The following ARID1B variants were observed in gnomAD, a reference collection of about 807,000 sequenced individuals.
The protein encoded by ARID1B is AT-rich interactive domain-containing protein 1B.
In ARID1B, 30 loss-of-function variants were observed where a neutral mutation model predicts 212.3. That is an observed-to-expected ratio of 0.14 (90% CI 0.11 to 0.19). ARID1B has a LOEUF of 0.19. ARID1B is among the 10% of genes least tolerant of loss of function. The pLI is 1.00. For synonymous variants in ARID1B, 1,402 were observed against 1,301.7 expected (o/e 1.08, Z -1.66); for missense variants, 2,891 against 3,204.0 (o/e 0.90, Z 2.36).
chr6:157,158,458 C>A (rs1365341496), intron 8 of ARID1B, among the ~76,000 whole-genome samples: 1 of 152,220 alleles, frequency 6.6e-6, no homozygotes, highest in Non-Finnish European at 1.5e-5. Flanking sequence ...GATTAATTTT[C>A]TTAAGCCCAC....
At chr6:156,840,592 C>T (rs947652934) in intron 2 of ARID1B, among the ~76,000 whole-genome samples, 3 of 152,190 alleles carry the variant, frequency 2.0e-5, no homozygotes, top group East Asian at 1.9e-4. Context: ...ACCCATGGTT[C>T]GCTCCGAGAT....
intron 4 of ARID1B, among the ~76,000 whole-genome samples, chr6:157,064,664 G>A (rs1239902117): frequency 6.6e-6 from 1 of 152,144 alleles, no homozygotes; most frequent in African/African-American, 2.4e-5. Flanking sequence ...CACCTGACGA[G>A]TGTCATGCCC....
intron 3 of ARID1B, among the ~76,000 whole-genome samples, chr6:156,905,250 GCACACACACACACA>G (rs138326649): frequency 2.1e-5 from 3 of 143,730 alleles, no homozygotes; most frequent in Non-Finnish European, 4.5e-5. Flanking sequence ...ACATATGCAC[GCACACACACACACA>G]CACACACACA....
At chr6:156,875,566 G>T (rs1786482312) in intron 2 of ARID1B, among the ~76,000 whole-genome samples, 1 of 152,234 alleles carries the variant, frequency 6.6e-6, no homozygotes, top group South Asian at 2.1e-4. Flanking sequence ...GAGACTGATA[G>T]AACCTTAAAA....
At chr6:156,998,636 G>T (rs989278873) in intron 4 of ARID1B, among the ~76,000 whole-genome samples, 6 of 152,198 alleles carry the variant, frequency 3.9e-5, no homozygotes, top group African/African-American at 1.2e-4. Flanking sequence ...CACACCAGTG[G>T]ACTCATCCTG....
At chr6:157,159,550 GT>G (rs1311006377) in intron 8 of ARID1B, among the ~76,000 whole-genome samples, 1 of 152,200 alleles carries the variant, frequency 6.6e-6, no homozygotes, top group East Asian at 1.9e-4. Flanking sequence ...AGCAGAGCTG[GT>G]AACAGGTCGG....
At chr6:157,115,026 C>T (rs1787231980) in intron 6 of ARID1B, among the ~76,000 whole-genome samples, 1 of 152,194 alleles carries the variant, frequency 6.6e-6, no homozygotes, top group African/African-American at 2.4e-5. Flanking sequence ...AGAGGTTCTG[C>T]AAACCTCTGG....
chr6:156,891,889 T>G (rs1316453232), intron 2 of ARID1B, among the ~76,000 whole-genome samples: 6 of 139,506 alleles, frequency 4.3e-5, no homozygotes, highest in Admixed American at 1.4e-4. Flanking sequence ...TTTTTTTTTT[T>G]GAGACGGAGT....
At chr6:157,087,092 A>G (rs1027706537) in intron 5 of ARID1B, among the ~76,000 whole-genome samples, 2 of 152,238 alleles carry the variant, frequency 1.3e-5, no homozygotes, top group Admixed American at 6.5e-5. Context: ...GCCGACCTCT[A>G]TATGGTGCTT....
intron 5 of ARID1B, among the ~76,000 whole-genome samples, chr6:157,089,775 C>T (rs1166079240): frequency 6.6e-6 from 1 of 152,106 alleles, no homozygotes; most frequent in African/African-American, 2.4e-5. Flanking sequence ...AGTGTGTATT[C>T]ATATACTATA....
chr6:156,990,332 C>T (rs912192563), intron 4 of ARID1B, among the ~76,000 whole-genome samples: 4 of 151,904 alleles, frequency 2.6e-5, no homozygotes, highest in African/African-American at 7.3e-5. Context: ...ACCACCACAC[C>T]GGGCTAATTT....
intron 3 of ARID1B, among the ~76,000 whole-genome samples, chr6:156,909,169 A>G (rs922348637): frequency 8.3e-6 from 1 of 119,912 alleles, no homozygotes; most frequent in African/African-American, 3.4e-5. Flanking sequence ...TCTGTCGCCC[A>G]GGCTGGAGTG....
intron 3 of ARID1B, among the ~76,000 whole-genome samples, chr6:156,921,573 C>T (rs561350244): frequency 3.3e-5 from 5 of 151,914 alleles, no homozygotes; most frequent in South Asian, 2.1e-4. Flanking sequence ...TGTCTACTTT[C>T]GTAGAAGATT....
intron 4 of ARID1B, among the ~76,000 whole-genome samples, chr6:157,021,923 C>T (rs1299118674): frequency 6.6e-6 from 1 of 152,228 alleles, no homozygotes; most frequent in Non-Finnish European, 1.5e-5. Flanking sequence ...CCTCTGCGTC[C>T]CGCGTGGCGC....
chr6:157,203,550 G>T lies in ARID1B; in HGVS notation c.5264-316G>T, dbSNP rs1318889535. 1.4e-5 allele frequency: 4 copies of T among 278,082 alleles called. No individual in the cohort carries two copies. The East Asian group carries it at 2.9e-4, about 20-fold the overall frequency. 17.2% of individuals were successfully genotyped at this position (278,082 alleles called of 1,614,324 possible). On this transcript the variant is annotated intron_variant, in intron 18 of 19. Transcript: ENST00000636930. The surrounding 1 kb of genome is among the most constrained non-coding windows in gnomAD (Gnocchi z 4.4). Reference sequence around the variant, plus strand: ...TTAAAAGCTCTGATACCACATTGCAGACTCTGTAGGGTGGCTGAAAGAAAT... The same window carrying T: ...TTAAAAGCTCTGATACCACATTGCATACTCTGTAGGGTGGCTGAAAGAAAT...
chr6:157,148,371 C>T lies in ARID1B; in HGVS notation c.2762-253C>T, dbSNP rs374287051. ...TTTTTTTGTTTGTTTCTTTTTATGA[C>T]CAGCCTGAATTTCTCTTCATCAGTG... On this transcript the variant is annotated intron_variant, in intron 7 of 19. Coordinates refer to ENST00000636930, the MANE Select transcript of ARID1B (RefSeq NM_001374828.1). The surrounding 1 kb of genome is among the most constrained non-coding windows in gnomAD (Gnocchi z 5.6). Among the ~76,000 whole-genome samples, 1 of 152,108 alleles carries T rather than the reference C, an allele frequency of 6.6e-6. No homozygotes were observed. Among genetic ancestry groups the T allele is most frequent in the East Asian group, 1.9e-4 (1 of 5,164 alleles).
At chr6:157,167,242 G>A (rs2128291675) in intron 9 of ARID1B, 57 bp downstream of exon 9, 1 of 1,550,560 alleles carries the variant, frequency 6.4e-7, no homozygotes, top group Admixed American at 1.9e-5. Flanking sequence ...CCTCCTCTTA[G>A]GCTCCACCAG....
intron 4 of ARID1B, among the ~76,000 whole-genome samples, chr6:156,991,911 A>G (rs539916289): frequency 9.8e-5 from 15 of 152,332 alleles, no homozygotes; most frequent in Middle Eastern, 3.4e-3. Flanking sequence ...TTTAATCTTG[A>G]AAATTAGCCA....
chr6:157,069,246 A>AT (rs1383781052), intron 4 of ARID1B, among the ~76,000 whole-genome samples: 1 of 152,104 alleles, frequency 6.6e-6, no homozygotes, highest in Non-Finnish European at 1.5e-5. Flanking sequence ...AGCTCCATTT[A>AT]TTTTTTATAT....
Sources: gnomAD v4.1 joint callset for allele counts (sites outside exome capture counted in the v4.1 genomes callset) on GRCh38, gnomAD v4.1.1 for gene constraint, Gnocchi (gnomAD v3.1) non-coding constraint, MANE v1.5 for transcripts, NCBI Gene and HGNC (gene_info 2026-07-23, HGNC 2026-07-21) for gene names.